KNDC1: variants seen among roughly 807,000 people sequenced by gnomAD.
The protein encoded by KNDC1 is kinase non-catalytic C-lobe domain-containing protein 1.
KNDC1 carries 106 observed loss-of-function variants against 172.8 expected under a neutral mutation model. The observed-to-expected ratio is 0.61, with a 90% CI of 0.52 to 0.72. KNDC1 has a LOEUF of 0.72. KNDC1 is among the 30% of genes least tolerant of loss of function. KNDC1 has a pLI of 0.00. For missense variants in KNDC1, 2,325 were observed against 2,394.5 expected (o/e 0.97, Z 0.61); for synonymous variants, 1,083 against 1,062.2 (o/e 1.02, Z -0.38).
rs571154248 is a variant in KNDC1 at position 133,206,756 on chromosome 10, A to C, written c.3459A>C (p.Leu1153Phe). The stretch of plus-strand genomic sequence containing the variant: ...CCCTGAAGTTCTACCAGAAACTCTT[A>C]CAGAAGGAAAAGAGGAACAAAGGTA... Reference protein sequence around the residue: ...RKTLKFYQKLLQKEKRNKGSD... With the variant: ...RKTLKFYQKLFQKEKRNKGSD... The change falls in exon 18 of 30, where the codon TTA becomes TTC. Residue 1153 changes from leucine (L) to phenylalanine (F), a missense_variant. By Grantham distance (22) the Leu-to-Phe change is conservative. Coordinates refer to ENST00000304613, the MANE Select transcript of KNDC1 (RefSeq NM_152643.8). 6.2e-7 allele frequency: 1 copy of C among 1,614,088 alleles called. No homozygotes were observed. The highest frequency in any genetic ancestry group is 8.5e-7 in the Non-Finnish European group (1 of 1,180,012).
At chr10:133,220,138 C>T in intron 29 of KNDC1, 26 bp downstream of exon 29, 1 of 1,504,880 alleles carries the variant, frequency 6.6e-7, no homozygotes, top group Admixed American at 2.0e-5. Context: ...GGCGGCCGCG[C>T]GCCCAGGAGA....
chr10:133,212,106 C>T (rs1365456595), intron 23 of KNDC1, among the ~76,000 whole-genome samples: 1 of 151,874 alleles, frequency 6.6e-6, no homozygotes, highest in African/African-American at 2.4e-5. Flanking sequence ...CACATGCGTG[C>T]ACACTCAATC....
chr10:133,166,704 G>T (rs1194657405), intron 1 of KNDC1, among the ~76,000 whole-genome samples: 1 of 152,064 alleles, frequency 6.6e-6, no homozygotes, highest in Admixed American at 6.5e-5. Context: ...GTGTCTGTGT[G>T]AGGGTGAGCA....
At position 133,220,763 on chromosome 10, in the gene KNDC1, G is replaced by A. The variant is rs182416945; in HGVS notation, c.5018+651G>A. ...CGGCCGCGCGCCCAGGTGAGGAGGG[G>A]CTCAGGCGGCCGCGCGCCCAGGAGA... On this transcript the variant is annotated intron_variant, in intron 29 of 29. Coordinates refer to ENST00000304613, the MANE Select transcript of KNDC1 (RefSeq NM_152643.8). Among the ~76,000 whole-genome samples the A allele has an allele frequency of 4.7e-5, 5 of 105,982 alleles. 1 individual carries two copies. Among genetic ancestry groups the A allele is most frequent in the African/African-American group, 1.6e-4 (4 of 25,054 alleles). 69.5% of individuals were successfully genotyped at this position (105,982 alleles called of 152,430 possible).
At chr10:133,182,456 T>C (rs1400668653) in intron 3 of KNDC1, among the ~76,000 whole-genome samples, 2 of 144,864 alleles carry the variant, frequency 1.4e-5, no homozygotes, top group Admixed American at 1.3e-4. Context: ...AGGTCCTGGC[T>C]CCACACATGA....
intron 10 of KNDC1, among the ~76,000 whole-genome samples, chr10:133,196,592 G>A (rs1854198087): frequency 6.6e-6 from 1 of 152,210 alleles, no homozygotes; most frequent in South Asian, 2.1e-4. Flanking sequence ...CTCCTCTGCT[G>A]CAGGAGGATG....
rs1198638057 is a variant in KNDC1, at chr10:133,189,949, G to A, written c.1575+136G>A. 1.4e-4 allele frequency: 105 copies of A among 764,406 alleles called. 1 individual carries two copies. Among genetic ancestry groups the A allele is most frequent in the South Asian group, 1.2e-3 (81 of 65,720 alleles). 47.4% of individuals were successfully genotyped at this position (764,406 alleles called of 1,614,324 possible). A position where few individuals can be genotyped will look rare whatever the true frequency, so the allele number is the denominator to read the frequency against. ...CCTTCCTGGCCAGGCGGCCACAGGCGGTATCTGCCAGCAGGGCCGTGGCTC... is the reference window on the plus strand; with the variant it reads ...CCTTCCTGGCCAGGCGGCCACAGGCAGTATCTGCCAGCAGGGCCGTGGCTC... On this transcript the variant is annotated intron_variant, in intron 9 of 29. Transcript: ENST00000304613.
intron 12 of KNDC1, 93 bp from the exon 13 acceptor site, chr10:133,198,244 G>A: frequency 1.4e-6 from 2 of 1,393,704 alleles, no homozygotes; most frequent in Non-Finnish European, 1.9e-6. Context: ...ACCACGCACT[G>A]GGTGGGATGA....
Position 133,200,460 on chromosome 10 carries a change from G to A in KNDC1, c.2989G>A (p.Gly997Arg). The A allele has an allele frequency of 1.9e-6, 3 of 1,569,432 alleles. No individual in the cohort carries two copies. The highest frequency in any genetic ancestry group is 1.7e-6 in the Non-Finnish European group (2 of 1,159,498). ...SSKRPSLHRL[G>R]KEKPAMARTS... ...CAAGAGGCCGTCGCTGCACCGCCTG[G>A]GTAAGTGCTGGGCGGGCCCCGCGGC... The change falls in exon 16 of 30, where the codon GGA (glycine) becomes AGA (arginine). Residue 997 changes from glycine (G) to arginine (R), a missense_variant and splice_region_variant. Transcript: ENST00000304613.
rs114359448 is a variant in KNDC1 at position 133,161,521 on chromosome 10, G to A, written c.102+952G>A. Reference sequence around the variant, plus strand: ...CTGCTGCCCCAGGGGAGTGGGCTCTGAAGGGACCGGGAGTTTCTGCTGTGG... The same window carrying A: ...CTGCTGCCCCAGGGGAGTGGGCTCTAAAGGGACCGGGAGTTTCTGCTGTGG... On this transcript the variant is annotated intron_variant, in intron 1 of 29. Transcript: ENST00000304613. 2.0e-3 allele frequency among the ~76,000 whole-genome samples: 311 copies of A among 152,276 alleles called. 2 individuals carry two copies. The highest frequency in any genetic ancestry group is 6.9e-3 in the African/African-American group (287 of 41,550).
In KNDC1 at chr10:133,188,525, T is replaced by G; in HGVS notation, c.1327-14T>G. 1.3e-6 allele frequency: 2 copies of G among 1,528,156 alleles called. No homozygotes were observed. The highest frequency in any genetic ancestry group is 1.8e-6 in the Non-Finnish European group (2 of 1,127,712). 94.7% of individuals were successfully genotyped at this position (1,528,156 alleles called of 1,614,324 possible). On this transcript the variant is annotated splice_polypyrimidine_tract_variant and intron_variant, in intron 6 of 29. Coordinates refer to ENST00000304613, the MANE Select transcript of KNDC1 (RefSeq NM_152643.8). ...GGGGTGTCCACACTGACCTCGCCGC[T>G]CTCCTGCCCACAGTGGGTGTCCCTG... is the stretch of plus-strand genomic sequence containing the variant.
intron 3 of KNDC1, among the ~76,000 whole-genome samples, chr10:133,172,491 T>C (rs754340112): frequency 1.3e-5 from 2 of 152,230 alleles, no homozygotes; most frequent in Non-Finnish European, 2.9e-5. Flanking sequence ...TTGTTGCGCA[T>C]ATTGGAGTGG....
intron 11 of KNDC1, among the ~76,000 whole-genome samples, 161 bp downstream of exon 11, chr10:133,197,296 C>G (rs929398682): frequency 6.6e-6 from 1 of 151,474 alleles, no homozygotes; most frequent in Non-Finnish European, 1.5e-5. Context: ...GGGGGACACT[C>G]GAGTCCCATC....
At chr10:133,222,444 GGC>G (rs1327249867) in intron 29 of KNDC1, among the ~76,000 whole-genome samples, 6,808 of 95,748 alleles carry the variant, frequency 0.071, 864 homozygotes, top group East Asian at 0.094. Flanking sequence ...TGCTCTTCCC[GGC>G]GTGTGTGTGT....
At chr10:133,180,787 A>G (rs892364492) in intron 3 of KNDC1, among the ~76,000 whole-genome samples, 11 of 152,276 alleles carry the variant, frequency 7.2e-5, no homozygotes, top group Admixed American at 6.5e-4. Flanking sequence ...CGGAGAAAGC[A>G]TAGTCCTTGC....
Position 133,209,534 on chromosome 10 carries a change from G to C in KNDC1, c.3795-1077G>C, listed in dbSNP as rs548323217. ...CTGTGTGGCTTTGTGCATGTGTGTG[G>C]TGTGCGCGTCTGGTTGTCGAGTTCT... On this transcript the variant is annotated intron_variant, in intron 20 of 29. Coordinates refer to ENST00000304613, the MANE Select transcript of KNDC1 (RefSeq NM_152643.8). This position sits in a 1 kb window ranked among gnomAD's most constrained non-coding sequence, Gnocchi z 4.9. Among the ~76,000 whole-genome samples the C allele has an allele frequency of 1.3e-5, 2 of 151,732 alleles. No homozygotes were observed. Among genetic ancestry groups the C allele is most frequent in the Admixed American group, 1.3e-4 (2 of 15,224 alleles).
Position 133,188,658 on chromosome 10 carries a change from C to A in KNDC1, c.1441+5C>A. The A allele has an allele frequency of 1.3e-6, 2 of 1,550,142 alleles. No homozygotes were observed. The highest frequency in any genetic ancestry group is 1.2e-5 in the South Asian group (1 of 86,034). Reference sequence around the variant, plus strand: ...AGACACGCCCTGAGCACCCAGGTGACGCACGCACCATCCCATCCCCCCCGC... The same window carrying A: ...AGACACGCCCTGAGCACCCAGGTGAAGCACGCACCATCCCATCCCCCCCGC... On this transcript the variant is annotated splice_donor_5th_base_variant and intron_variant, in intron 7 of 29. Transcript: ENST00000304613.
At chr10:133,166,426 A>C (rs1319685761) in intron 1 of KNDC1, among the ~76,000 whole-genome samples, 1 of 151,436 alleles carries the variant, frequency 6.6e-6, no homozygotes, top group Non-Finnish European at 1.5e-5. Context: ...GGGTGTGTGC[A>C]CCAAGTGTGG....
intron 6 of KNDC1, among the ~76,000 whole-genome samples, chr10:133,186,966 G>A (rs1005237127): frequency 3.5e-4 from 54 of 152,260 alleles, no homozygotes; most frequent in Non-Finnish European, 6.6e-4. Flanking sequence ...CCGCACGGCC[G>A]TCCCGAGGGA....
Sources: allele counts gnomAD v4.1 joint callset (sites outside exome capture counted in the v4.1 genomes callset), GRCh38; gene constraint gnomAD v4.1.1; non-coding constraint Gnocchi (gnomAD v3.1); transcripts MANE v1.5; gene names NCBI Gene and HGNC (gene_info 2026-07-23, HGNC 2026-07-21).